Variants in TNKS2 observed in about 807,000 individuals in gnomAD.
TNKS2 encodes the protein tankyrase 2.
Under a neutral mutation model 137.6 loss-of-function variants are expected in TNKS2, and 72 were observed. The ratio of observed to expected loss-of-function variants is 0.52; its 90% CI spans 0.43 to 0.64. The LOEUF (loss-of-function observed/expected upper bound fraction) is 0.64, where lower values mean the gene tolerates loss of function less well. Ranked by LOEUF, TNKS2 falls within the 30% of genes least tolerant of loss-of-function variation. The pLI is 0.00. For missense variants in TNKS2, 1,049 were observed against 1,410.2 expected (o/e 0.74, Z 4.10); for synonymous variants, 516 against 512.1 (o/e 1.01, Z -0.10).
At chr10:91,846,136 A>G (rs79873109) in intron 18 of TNKS2, among the ~76,000 whole-genome samples, 196 bp downstream of exon 18, 14,320 of 152,216 alleles carry the variant, frequency 0.094, 764 homozygotes, top group East Asian at 0.19. Flanking sequence ...GTAGAATAGA[A>G]TTATCAATCA....
intron 1 of TNKS2, chr10:91,807,274 C>T (rs1844352623): frequency 5.6e-6 from 9 of 1,611,720 alleles, no homozygotes; most frequent in Non-Finnish European, 6.8e-6. Context: ...ACATCTTGAG[C>T]TTGGTCTGTT....
Position 91,833,842 on chromosome 10 carries a change from G to A in TNKS2, c.1276-11G>A. 6.4e-7 allele frequency: 1 copy of A among 1,556,682 alleles called. No homozygotes were observed. Among genetic ancestry groups the A allele is most frequent in the Non-Finnish European group, 8.7e-7 (1 of 1,154,020 alleles). ...TTGCGGGCTAATTTCAATTTTTTCT[G>A]CTTTGTTAAGGTTAATGCTCTGGAT... On this transcript the variant is annotated splice_polypyrimidine_tract_variant and intron_variant, in intron 11 of 26. Coordinates refer to ENST00000371627, the MANE Select transcript of TNKS2 (RefSeq NM_025235.4).
At chr10:91,853,469 A>G (rs984295839) in intron 21 of TNKS2, among the ~76,000 whole-genome samples, 1 of 152,180 alleles carries the variant, frequency 6.6e-6, no homozygotes, top group Non-Finnish European at 1.5e-5. Flanking sequence ...ACCTGATGTT[A>G]GTCAACCAAC....
chr10:91,835,875 T>C (rs983766349), intron 12 of TNKS2, among the ~76,000 whole-genome samples: 21 of 132,136 alleles, frequency 1.6e-4, no homozygotes, highest in African/African-American at 5.3e-4. Flanking sequence ...CCCAAAGTGC[T>C]GGGATTACAG....
At chr10:91,848,880 A>T (rs540830241) in intron 19 of TNKS2, among the ~76,000 whole-genome samples, 1 of 152,160 alleles carries the variant, frequency 6.6e-6, no homozygotes, top group Non-Finnish European at 1.5e-5. Flanking sequence ...TTTGTCGCCC[A>T]GACTGGAGTG....
chr10:91,840,710 A>G lies in TNKS2; in HGVS notation c.1673+4A>G, dbSNP rs899072049. On this transcript the variant is annotated splice_donor_region_variant and intron_variant, in intron 14 of 26. Coordinates refer to ENST00000371627, the MANE Select transcript of TNKS2 (RefSeq NM_025235.4). The stretch of plus-strand genomic sequence containing the variant: ...ATGTGCATGCTAAAGATAAAGGGTA[A>G]ATGCCAATGATTGTTATGGACTCTC... 2 of 1,610,746 alleles carry G rather than the reference A, an allele frequency of 1.2e-6. No individual in the cohort carries two copies. The highest frequency in any genetic ancestry group is 1.3e-5 in the African/African-American group (1 of 74,858).
At chr10:91,847,368 A>T (rs1842407477) in intron 18 of TNKS2, among the ~76,000 whole-genome samples, 1 of 151,610 alleles carries the variant, frequency 6.6e-6, no homozygotes, top group Admixed American at 6.6e-5. Flanking sequence ...ATTTTTATTT[A>T]TTATTATTTT....
At chr10:91,828,139 A>T in intron 8 of TNKS2, 146 bp from the exon 9 acceptor site, 2 of 886,452 alleles carry the variant, frequency 2.3e-6, no homozygotes, top group Non-Finnish European at 3.2e-6. Context: ...TTCAGGGGTT[A>T]AATTTGGAGA....
Position 91,853,952 on chromosome 10 carries a change from C to T in TNKS2, c.2816-1077C>T, listed in dbSNP as rs73327841. On this transcript the variant is annotated intron_variant, in intron 21 of 26. Transcript: ENST00000371627. Reference sequence around the variant, plus strand: ...GAGATTAAAGGAGAGAGTTGTGCTACAAATACACCAAAGGAATTAGAAAAT... The same window carrying T: ...GAGATTAAAGGAGAGAGTTGTGCTATAAATACACCAAAGGAATTAGAAAAT... 2.0e-3 allele frequency among the ~76,000 whole-genome samples: 299 copies of T among 152,220 alleles called. 1 individual carries two copies. Among genetic ancestry groups the T allele is most frequent in the African/African-American group, 6.9e-3 (286 of 41,522 alleles).
intron 13 of TNKS2, 60 bp downstream of exon 13, chr10:91,837,058 A>G: frequency 6.5e-7 from 1 of 1,546,062 alleles, no homozygotes; most frequent in East Asian, 2.3e-5. Flanking sequence ...TTGTTATTTA[A>G]TCTGTACTGT....
chr10:91,856,516 C>G (rs1021804831), intron 23 of TNKS2, among the ~76,000 whole-genome samples: 3 of 152,150 alleles, frequency 2.0e-5, no homozygotes, highest in Non-Finnish European at 2.9e-5. Context: ...ACTTTGTCTA[C>G]AAGCATTAAC....
chr10:91,859,070 A>G (rs1842786399), intron 24 of TNKS2, among the ~76,000 whole-genome samples: 1 of 152,198 alleles, frequency 6.6e-6, no homozygotes, highest in Non-Finnish European at 1.5e-5. Context: ...ATCTTCAAAA[A>G]AGCACACAGG....
At chr10:91,846,474 C>T (rs924474954) in intron 18 of TNKS2, among the ~76,000 whole-genome samples, 1 of 152,188 alleles carries the variant, frequency 6.6e-6, no homozygotes, top group Admixed American at 6.5e-5. Context: ...GTTTTCCTTC[C>T]CCTCTCTCCA....
chr10:91,837,315 ACT>A (rs1444316649), intron 13 of TNKS2, among the ~76,000 whole-genome samples: 1 of 152,212 alleles, frequency 6.6e-6, no homozygotes, highest in African/African-American at 2.4e-5. Flanking sequence ...ATTTTATATT[ACT>A]GTTTACGTAT....
At chr10:91,820,205 A>T (rs1371245889) in intron 6 of TNKS2, among the ~76,000 whole-genome samples, 172 bp downstream of exon 6, 1 of 152,236 alleles carries the variant, frequency 6.6e-6, no homozygotes, top group African/African-American at 2.4e-5. Context: ...TTAAGCCCAC[A>T]GCTCATAGAA....
Position 91,848,621 on chromosome 10 carries a change from T to C in TNKS2, c.2597T>C (p.Leu866Ser), listed in dbSNP as rs1842453961. Reference protein sequence around the residue: ...SSSGTEGASSLEKKEVPGVDF... With the variant: ...SSSGTEGASSSEKKEVPGVDF... ...AGTGGAACAGAGGGTGCTTCCAGTT[T>C]GGAGAAAAAGGAGGGTGAGACGTTC... Residue 866 changes from leucine to serine, a missense_variant, in exon 19 of 27, where the codon TTG becomes TCG. Leu to Ser is a moderately radical substitution (Grantham distance 145, BLOSUM62 -2). Coordinates refer to ENST00000371627, the MANE Select transcript of TNKS2 (RefSeq NM_025235.4). 9 of 1,613,932 alleles carry C rather than the reference T, an allele frequency of 5.6e-6. No homozygotes were observed. Among genetic ancestry groups the C allele is most frequent in the Non-Finnish European group, 7.6e-6 (9 of 1,179,944 alleles).
intron 21 of TNKS2, among the ~76,000 whole-genome samples, chr10:91,852,755 G>A (rs147792916): frequency 1.3e-5 from 2 of 152,322 alleles, no homozygotes; most frequent in Middle Eastern, 3.4e-3. Context: ...ATGCTAGCCA[G>A]GATGGGGTCC....
chr10:91,817,238 G>A lies in TNKS2; in HGVS notation c.520+9G>A. The A allele has an allele frequency of 1.2e-6, 2 of 1,600,168 alleles. No individual in the cohort carries two copies. Among genetic ancestry groups the A allele is most frequent in the Non-Finnish European group, 1.7e-6 (2 of 1,169,946 alleles). ...CAAAGCAGTGCTTACTGGTAAGTCTGTATACTCTGGTTATTCCAGGAAGCC... is the reference window on the plus strand; with the variant it reads ...CAAAGCAGTGCTTACTGGTAAGTCTATATACTCTGGTTATTCCAGGAAGCC... On this transcript the variant is annotated intron_variant, in intron 3 of 26. Transcript: ENST00000371627.
intron 23 of TNKS2, 141 bp from the exon 24 acceptor site, chr10:91,857,284 G>A (rs2133681786): frequency 2.2e-6 from 1 of 448,846 alleles, no homozygotes; most frequent in East Asian, 3.3e-5. Context: ...AGTATTTTTA[G>A]TTGATTAAAA....
Sources: allele counts gnomAD v4.1 joint callset (sites outside exome capture counted in the v4.1 genomes callset), GRCh38; gene constraint gnomAD v4.1.1; transcripts MANE v1.5; gene names NCBI Gene and HGNC (gene_info 2026-07-23, HGNC 2026-07-21).